The following FAT1 variants were observed in gnomAD, a reference collection of about 807,000 sequenced individuals.
FAT1 encodes FAT atypical cadherin 1.
FAT1 carries 171 observed loss-of-function variants against 329.8 expected under a neutral mutation model. The observed-to-expected ratio is 0.52, with a 90% CI of 0.46 to 0.59. FAT1 has a LOEUF of 0.59. FAT1 is among the 20% of genes least tolerant of loss of function. The pLI is 0.00. For synonymous variants in FAT1, 2,233 were observed against 2,228.6 expected (o/e 1.00, Z -0.06); for missense variants, 5,672 against 5,774.4 (o/e 0.98, Z 0.57).
chr4:186,620,259 G>C lies in FAT1; in HGVS notation c.6327C>G (p.Asp2109Glu), dbSNP rs1300189308. The change falls in exon 10 of 27, where the codon GAC becomes GAG. Residue 2109 changes from aspartate to glutamate, a missense_variant. By Grantham distance (45) the Asp-to-Glu change is conservative. Transcript: ENST00000441802. ...VIRYVTAVDRDSGRNGEVHYY... is the reference protein window; with the variant it reads ...VIRYVTAVDRESGRNGEVHYY... ...AATGCACTTCCCCGTTTCTGCCACT[G>C]TCTCTGTCTACAGCAGTGACATAGC... 6.2e-7 allele frequency: 1 copy of C among 1,613,982 alleles called. No individual in the cohort carries two copies. Among genetic ancestry groups the C allele is most frequent in the Non-Finnish European group, 8.5e-7 (1 of 1,179,896 alleles).
At chr4:186,685,524 A>G (rs1743418785) in intron 2 of FAT1, among the ~76,000 whole-genome samples, 1 of 152,210 alleles carries the variant, frequency 6.6e-6, no homozygotes, top group Non-Finnish European at 1.5e-5. Context: ...TCCTTAGGTA[A>G]GGATTACGCA....
chr4:186,628,039 A>G, intron 9 of FAT1, 115 bp downstream of exon 9: 2 of 1,129,978 alleles, frequency 1.8e-6, no homozygotes, highest in Non-Finnish European at 2.5e-6. Flanking sequence ...GATCAATTTA[A>G]GCCATTTTTG....
At chr4:186,589,731 T>C (rs916912061) in intron 26 of FAT1, among the ~76,000 whole-genome samples, 1 of 152,180 alleles carries the variant, frequency 6.6e-6, no homozygotes, top group Non-Finnish European at 1.5e-5. Context: ...AGGGTCTCAC[T>C]ATGTTGCCCA....
At chr4:186,608,844 C>A (rs138121941) in intron 16 of FAT1, among the ~76,000 whole-genome samples, 1 of 152,198 alleles carries the variant, frequency 6.6e-6, no homozygotes, top group Non-Finnish European at 1.5e-5. Context: ...TGCAATTCCT[C>A]GCTGGAAATT....
chr4:186,663,722 A>G (rs989897176), intron 2 of FAT1, 109 bp from the exon 3 acceptor site: 2 of 817,544 alleles, frequency 2.4e-6, no homozygotes, highest in African/African-American at 3.4e-5. Flanking sequence ...GTCTCTTACT[A>G]GGTGCATAAC....
intron 3 of FAT1, among the ~76,000 whole-genome samples, chr4:186,643,999 A>AC (rs2126580622): frequency 6.6e-6 from 1 of 152,266 alleles, no homozygotes; most frequent in South Asian, 2.1e-4. Context: ...ACTGTACAGA[A>AC]CTTCAGAACT....
chr4:186,619,704 C>T lies in FAT1; in HGVS notation c.6882G>A (p.Glu2294=), dbSNP rs1389552752. 2 of 1,613,980 alleles carry T rather than the reference C, an allele frequency of 1.2e-6. No homozygotes were observed. Among genetic ancestry groups the T allele is most frequent in the Non-Finnish European group, 1.7e-6 (2 of 1,179,898 alleles). The part of the protein sequence containing the change: ...AQQSYAVTLS[E]ASVIGTSVVQ... ...CAACAGACGTTCCAATTACAGATGC[C>T]TCAGACAGGGTCACCGCATAAGACT... The change falls in exon 10 of 27, where the codon GAG becomes GAA. Residue 2294 remains glutamate (E), a synonymous_variant. Coordinates refer to ENST00000441802, the MANE Select transcript of FAT1 (RefSeq NM_005245.4).
rs896873059 is a variant in FAT1 at position 186,723,796 on chromosome 4, G to A, written c.-151C>T. ...CGTCCGCATGGTACCTGCCGCACGA[G>A]CCGCTCCCGCGCCCTCTCCCCGCGC... On this transcript the variant is annotated 5_prime_UTR_variant, in exon 1 of 27. Coordinates refer to ENST00000441802, the MANE Select transcript of FAT1 (RefSeq NM_005245.4). 5 of 135,020 alleles carry A rather than the reference G, an allele frequency of 3.7e-5. No individual in the cohort carries two copies. The highest frequency in any genetic ancestry group is 6.5e-5 in the Non-Finnish European group (4 of 61,684). 8.4% of individuals were successfully genotyped at this position (135,020 alleles called of 1,614,324 possible).
intron 17 of FAT1, among the ~76,000 whole-genome samples, chr4:186,605,320 G>A (rs1422675352): frequency 7.1e-6 from 1 of 140,810 alleles, no homozygotes; most frequent in Non-Finnish European, 1.5e-5. Flanking sequence ...GGGGGAGGAG[G>A]AGGGGTAGTG....
chr4:186,649,420 G>C (rs1272034772), intron 3 of FAT1, among the ~76,000 whole-genome samples: 3 of 152,204 alleles, frequency 2.0e-5, no homozygotes, highest in Non-Finnish European at 4.4e-5. Context: ...TGGAAGCTGT[G>C]AGTGTGAACT....
At chr4:186,632,481 T>G (rs1396777241) in intron 7 of FAT1, among the ~76,000 whole-genome samples, 1 of 152,164 alleles carries the variant, frequency 6.6e-6, no homozygotes, top group Admixed American at 6.5e-5. Context: ...AGGGCTTATG[T>G]TTAAAGAGAG....
chr4:186,622,450 TC>T (rs1277920323), intron 9 of FAT1, among the ~76,000 whole-genome samples: 1 of 152,170 alleles, frequency 6.6e-6, no homozygotes, highest in South Asian at 2.1e-4. Flanking sequence ...AAGAGGGTGC[TC>T]CTGGCGTCTC....
At chr4:186,670,724 C>A (rs529397836) in intron 2 of FAT1, among the ~76,000 whole-genome samples, 1 of 152,172 alleles carries the variant, frequency 6.6e-6, no homozygotes, top group Non-Finnish European at 1.5e-5. Flanking sequence ...AGAATTGTTA[C>A]GTGTTTGGTT....
chr4:186,719,919 T>C (rs771625910), intron 1 of FAT1, among the ~76,000 whole-genome samples: 1 of 152,254 alleles, frequency 6.6e-6, no homozygotes, highest in Non-Finnish European at 1.5e-5. Flanking sequence ...CTATTCAAAC[T>C]TCTTTGTGAT....
intron 3 of FAT1, among the ~76,000 whole-genome samples, chr4:186,653,518 T>A (rs995355264): frequency 6.6e-6 from 1 of 152,194 alleles, no homozygotes; most frequent in East Asian, 1.9e-4. Context: ...AAAATAATTT[T>A]AAAAATCAGC....
At chr4:186,658,667 CTCCAACTCACCAT>C (rs1742028237) in intron 3 of FAT1, among the ~76,000 whole-genome samples, 1 of 152,130 alleles carries the variant, frequency 6.6e-6, no homozygotes, top group African/African-American at 2.4e-5. Flanking sequence ...ATTTCTTGGT[CTCCAACTCACCAT>C]TCCTTCAAAT....
intron 3 of FAT1, among the ~76,000 whole-genome samples, chr4:186,644,311 A>C (rs910427565): frequency 2.0e-5 from 3 of 152,252 alleles, no homozygotes; most frequent in South Asian, 2.1e-4. Context: ...AAGAGGCAAA[A>C]GCAGAAAAAC....
At chr4:186,689,061 T>C (rs1743626885) in intron 2 of FAT1, among the ~76,000 whole-genome samples, 2 of 152,214 alleles carry the variant, frequency 1.3e-5, no homozygotes. Context: ...GTGAAAAGCA[T>C]GGGTTTTGAA....
chr4:186,712,963 G>A (rs1339335985), intron 1 of FAT1, among the ~76,000 whole-genome samples: 1 of 151,846 alleles, frequency 6.6e-6, no homozygotes, highest in East Asian at 1.9e-4. Context: ...CATCCTGGGA[G>A]AGAACCTATC....
Sources: allele counts gnomAD v4.1 joint callset (sites outside exome capture counted in the v4.1 genomes callset), GRCh38; gene constraint gnomAD v4.1.1; transcripts MANE v1.5; gene names NCBI Gene and HGNC (gene_info 2026-07-23, HGNC 2026-07-21).